The following EIF2B3 variants were observed in gnomAD, a reference collection of about 807,000 sequenced individuals.
EIF2B3 encodes the protein translation initiation factor eIF2B subunit gamma.
In EIF2B3, 20 loss-of-function variants were observed where a neutral mutation model predicts 54.1. That is an observed-to-expected ratio of 0.37 (90% CI 0.26 to 0.54). The LOEUF is 0.54. EIF2B3 is among the 20% of genes least tolerant of loss of function. The pLI is 0.86. For synonymous variants in EIF2B3, 153 were observed against 188.1 expected (o/e 0.81, Z 1.52); for missense variants, 448 against 547.8 (o/e 0.82, Z 1.82).
chr1:44,898,215 T>C (rs608649), intron 5 of EIF2B3, among the ~76,000 whole-genome samples: 35,282 of 152,096 alleles, frequency 0.23, 4,893 homozygotes, highest in African/African-American at 0.4. Context: ...GCTACTCTTA[T>C]TTATTCCTCA....
intron 10 of EIF2B3, among the ~76,000 whole-genome samples, chr1:44,868,155 T>G (rs1422978117): frequency 6.6e-6 from 1 of 152,022 alleles, no homozygotes; most frequent in Non-Finnish European, 1.5e-5. Flanking sequence ...TCCCAGTACT[T>G]TGGGAGGCCG....
At chr1:44,972,280 A>C (rs112215773) in intron 3 of EIF2B3, among the ~76,000 whole-genome samples, 173 of 58,362 alleles carry the variant, frequency 3.0e-3, no homozygotes, top group African/African-American at 0.015. Context: ...TACACACACA[A>C]ACACACACAT....
chr1:44,932,414 A>T (rs1643904544), intron 4 of EIF2B3: 1 of 152,250 alleles, frequency 6.6e-6, no homozygotes. Flanking sequence ...TCTGCTTAGG[A>T]ATACCATGTG....
At chr1:44,863,839 A>G (rs1654686842) in intron 10 of EIF2B3, among the ~76,000 whole-genome samples, 1 of 152,136 alleles carries the variant, frequency 6.6e-6, no homozygotes, top group African/African-American at 2.4e-5. Flanking sequence ...CTTCAACATC[A>G]TATTTGTGAT....
At chr1:44,874,325 C>T (rs777235014) in intron 10 of EIF2B3, among the ~76,000 whole-genome samples, 1 of 152,120 alleles carries the variant, frequency 6.6e-6, no homozygotes, top group Non-Finnish European at 1.5e-5. Flanking sequence ...TAAATCTTTC[C>T]TGGATTCTTT....
intron 5 of EIF2B3, among the ~76,000 whole-genome samples, chr1:44,899,978 T>C (rs1003355175): frequency 3.9e-5 from 6 of 152,202 alleles, no homozygotes; most frequent in Admixed American, 3.9e-4. Context: ...TAGTGCAATA[T>C]ATATCATGAA....
chr1:44,923,543 A>G (rs1333665205), intron 5 of EIF2B3, among the ~76,000 whole-genome samples: 1 of 152,132 alleles, frequency 6.6e-6, no homozygotes, highest in Non-Finnish European at 1.5e-5. Context: ...TAACCTTGGT[A>G]TGTTTCTTTT....
intron 10 of EIF2B3, among the ~76,000 whole-genome samples, chr1:44,874,093 G>A (rs2148900931): frequency 6.7e-6 from 1 of 150,288 alleles, no homozygotes; most frequent in South Asian, 2.1e-4. Flanking sequence ...GTGCTCAAAA[G>A]TTTCGGATTT....
At chr1:44,986,120 G>A (rs944009547) in intron 1 of EIF2B3, among the ~76,000 whole-genome samples, 1 of 149,592 alleles carries the variant, frequency 6.7e-6, no homozygotes, top group South Asian at 2.1e-4. Context: ...CCGAAACTTC[G>A]TTTCTTTCTT....
intron 4 of EIF2B3, among the ~76,000 whole-genome samples, chr1:44,941,235 A>C (rs1458097469): frequency 1.3e-5 from 2 of 152,148 alleles, no homozygotes; most frequent in Non-Finnish European, 2.9e-5. Context: ...TGTTTCTTAG[A>C]TATACGTATT....
intron 3 of EIF2B3, among the ~76,000 whole-genome samples, chr1:44,960,534 G>A (rs866970349): frequency 6.6e-6 from 1 of 152,062 alleles, no homozygotes; most frequent in South Asian, 2.1e-4. Context: ...AGCTACTCCG[G>A]AGGCTGAGGC....
At chr1:44,944,903 T>A (rs987251095) in intron 3 of EIF2B3, among the ~76,000 whole-genome samples, 2 of 152,040 alleles carry the variant, frequency 1.3e-5, no homozygotes, top group African/African-American at 4.8e-5. Flanking sequence ...TACATGTATT[T>A]TTTTTTTTGT....
intron 3 of EIF2B3, among the ~76,000 whole-genome samples, chr1:44,953,894 T>C (rs895803180): frequency 9.9e-5 from 15 of 152,168 alleles, no homozygotes; most frequent in Non-Finnish European, 1.9e-4. Context: ...CAAAAGGTTT[T>C]CAATTTGCTT....
intron 3 of EIF2B3, chr1:44,959,037 T>C: frequency 2.7e-6 from 2 of 741,780 alleles, no homozygotes; most frequent in African/African-American, 1.7e-5. Context: ...CAGTGACATC[T>C]GAGAAACTTA....
intron 5 of EIF2B3, among the ~76,000 whole-genome samples, chr1:44,912,708 CCTT>C (rs1383600683): frequency 1.3e-5 from 2 of 152,184 alleles, no homozygotes; most frequent in African/African-American, 4.8e-5. Context: ...TTAGATACCT[CCTT>C]TGAATTCTTA....
At chr1:44,879,691 G>A (rs1156851611) in intron 8 of EIF2B3, 127 bp downstream of exon 8, 2 of 1,105,112 alleles carry the variant, frequency 1.8e-6, no homozygotes, top group African/African-American at 3.1e-5. Context: ...GACGTGCCAG[G>A]TCTTGCTCAA....
At chr1:44,919,700 T>C (rs1042051197) in intron 5 of EIF2B3, among the ~76,000 whole-genome samples, 1 of 150,884 alleles carries the variant, frequency 6.6e-6, no homozygotes, top group Admixed American at 6.6e-5. Flanking sequence ...ATTCATTTCA[T>C]CTTAATTGAA....
chr1:44,904,093 A>G (rs925702370), intron 5 of EIF2B3, among the ~76,000 whole-genome samples: 1 of 152,020 alleles, frequency 6.6e-6, no homozygotes, highest in Non-Finnish European at 1.5e-5. Context: ...CAAAACAAAC[A>G]AACAAAAAAA....
At chr1:44,967,868 T>C (rs1289659886) in intron 3 of EIF2B3, among the ~76,000 whole-genome samples, 1 of 150,502 alleles carries the variant, frequency 6.6e-6, no homozygotes, top group African/African-American at 2.5e-5. Flanking sequence ...TGAAACCCTG[T>C]CTCCACTAAA....
Sources: gnomAD v4.1 joint callset for allele counts (sites outside exome capture counted in the v4.1 genomes callset) on GRCh38, gnomAD v4.1.1 for gene constraint, MANE v1.5 for transcripts, NCBI Gene and HGNC (gene_info 2026-07-23, HGNC 2026-07-21) for gene names.